GALNT10: variants seen among roughly 807,000 people sequenced by gnomAD.
GALNT10 encodes the protein polypeptide N-acetylgalactosaminyltransferase 10.
Under a neutral mutation model 75.0 loss-of-function variants are expected in GALNT10, and 41 were observed. The observed-to-expected ratio is 0.55, with a 90% CI of 0.43 to 0.71. The LOEUF (loss-of-function observed/expected upper bound fraction) is 0.71. GALNT10 is among the 30% of genes least tolerant of loss of function. The pLI is 0.00. For synonymous variants in GALNT10, 302 were observed against 313.0 expected (o/e 0.96, Z 0.37); for missense variants, 727 against 818.5 (o/e 0.89, Z 1.36).
At chr5:154,295,726 C>T (rs1754262964) in intron 2 of GALNT10, among the ~76,000 whole-genome samples, 2 of 152,128 alleles carry the variant, frequency 1.3e-5, no homozygotes, top group Admixed American at 1.3e-4. Context: ...AGATAAAGTC[C>T]ATACTCCCAG....
At chr5:154,330,775 G>A (rs1297416236) in intron 4 of GALNT10, among the ~76,000 whole-genome samples, 1 of 152,184 alleles carries the variant, frequency 6.6e-6, no homozygotes, top group Non-Finnish European at 1.5e-5. Context: ...GCAGTGAAGA[G>A]AGGGAGTATG....
intron 1 of GALNT10, among the ~76,000 whole-genome samples, chr5:154,196,188 G>T (rs1300698343): frequency 1.3e-5 from 2 of 152,282 alleles, no homozygotes; most frequent in Non-Finnish European, 1.5e-5. Flanking sequence ...CTCCCAAAGT[G>T]CTGGGATTAC....
intron 1 of GALNT10, among the ~76,000 whole-genome samples, chr5:154,275,952 G>C (rs889053369): frequency 6.6e-5 from 10 of 152,208 alleles, no homozygotes; most frequent in African/African-American, 2.4e-4. Flanking sequence ...TTGTAGAAGA[G>C]CACAAGGGAC....
At chr5:154,200,572 A>G (rs1311436007) in intron 1 of GALNT10, among the ~76,000 whole-genome samples, 3 of 151,670 alleles carry the variant, frequency 2.0e-5, no homozygotes, top group African/African-American at 7.3e-5. Flanking sequence ...TAAAATGTGT[A>G]TGTGTGTGTG....
At chr5:154,310,321 T>C (rs1450417911) in intron 3 of GALNT10, among the ~76,000 whole-genome samples, 1 of 152,096 alleles carries the variant, frequency 6.6e-6, no homozygotes, top group African/African-American at 2.4e-5. Context: ...CCTCCCTGTT[T>C]TGGTAGGTTG....
chr5:154,327,785 G>A (rs1045454885), intron 3 of GALNT10, among the ~76,000 whole-genome samples: 2 of 152,170 alleles, frequency 1.3e-5, no homozygotes, highest in East Asian at 1.9e-4. Flanking sequence ...GAATGTAATC[G>A]TTTTTCAAAC....
intron 1 of GALNT10, among the ~76,000 whole-genome samples, chr5:154,253,409 G>T (rs1753558677): frequency 8.1e-6 from 1 of 123,428 alleles, no homozygotes; most frequent in African/African-American, 2.9e-5. Flanking sequence ...GGGGGAGGGG[G>T]AAGGGATAGC....
chr5:154,400,846 C>T (rs572375329), intron 7 of GALNT10, among the ~76,000 whole-genome samples: 31 of 152,162 alleles, frequency 2.0e-4, no homozygotes, highest in African/African-American at 5.1e-4. Flanking sequence ...GAGGGCTGCA[C>T]GGGGCTCTTG....
Position 154,221,401 on chromosome 5 carries a change from C to T in GALNT10, c.159+30376C>T, listed in dbSNP as rs568290218. On this transcript the variant is annotated intron_variant, in intron 1 of 11. Transcript: ENST00000297107. ...TGGGGTGAGGGGTATCCTCCCTGCA[C>T]CGCTCCGGGGGTTAGGGTGCCCCTG... Among the ~76,000 whole-genome samples the T allele has an allele frequency of 2.6e-5, 4 of 152,304 alleles. No individual in the cohort carries two copies. The South Asian group carries it at 6.2e-4, about 24-fold the overall frequency.
At chr5:154,395,781 C>CA (rs1267594466) in intron 7 of GALNT10, among the ~76,000 whole-genome samples, 2 of 152,236 alleles carry the variant, frequency 1.3e-5, no homozygotes, top group African/African-American at 4.8e-5. Context: ...GAGACGCTGT[C>CA]ACCATTCCAG....
At position 154,225,907 on chromosome 5, in the gene GALNT10, T is replaced by C. The variant is rs1294280087; in HGVS notation, c.159+34882T>C. Among the ~76,000 whole-genome samples the C allele has an allele frequency of 3.9e-5, 6 of 152,306 alleles. No individual in the cohort carries two copies. The South Asian group carries it at 8.3e-4, about 21-fold the overall frequency. On this transcript the variant is annotated intron_variant, in intron 1 of 11. Transcript: ENST00000297107. The stretch of plus-strand genomic sequence containing the variant: ...CCAAGAAATTTAACATGCCATTGTT[T>C]TCACTCATAGGTGGGAATTGAACAA...
intron 3 of GALNT10, among the ~76,000 whole-genome samples, chr5:154,301,538 G>C (rs115952632): frequency 7.0e-4 from 106 of 150,488 alleles, no homozygotes; most frequent in African/African-American, 2.5e-3. Context: ...TTTACCACTA[G>C]ATCTTGTTGC....
intron 4 of GALNT10, among the ~76,000 whole-genome samples, chr5:154,373,690 T>C (rs537591858): frequency 3.9e-5 from 6 of 152,310 alleles, no homozygotes; most frequent in Non-Finnish European, 8.8e-5. Flanking sequence ...CTTTATGAAA[T>C]GTCCTCATCT....
chr5:154,407,057 A>C (rs1005387711), intron 8 of GALNT10, among the ~76,000 whole-genome samples: 1 of 152,204 alleles, frequency 6.6e-6, no homozygotes, highest in African/African-American at 2.4e-5. Flanking sequence ...ATTGTTTACT[A>C]AACTTGCTGA....
At chr5:154,398,265 T>C (rs1196132891) in intron 7 of GALNT10, among the ~76,000 whole-genome samples, 1 of 151,790 alleles carries the variant, frequency 6.6e-6, no homozygotes, top group Non-Finnish European at 1.5e-5. Flanking sequence ...GGGGTGGGAG[T>C]TGAAGGGACA....
intron 4 of GALNT10, among the ~76,000 whole-genome samples, chr5:154,353,260 A>G (rs187925641): frequency 9.2e-5 from 14 of 152,224 alleles, no homozygotes; most frequent in Non-Finnish European, 1.8e-4. Flanking sequence ...TGAAGCCGCA[A>G]TTATGAGCGA....
At chr5:154,221,569 T>G (rs1177623848) in intron 1 of GALNT10, among the ~76,000 whole-genome samples, 1 of 152,214 alleles carries the variant, frequency 6.6e-6, no homozygotes, top group Non-Finnish European at 1.5e-5. Context: ...AGCCTGCTTT[T>G]GGGTGAAGGC....
chr5:154,297,811 C>A, intron 2 of GALNT10, 130 bp from the exon 3 acceptor site: 1 of 524,338 alleles, frequency 1.9e-6, no homozygotes, highest in Non-Finnish European at 3.2e-6. Context: ...TGAGCAAAAA[C>A]TGAGCTATGC....
chr5:154,378,696 G>A (rs1320262387), intron 5 of GALNT10, among the ~76,000 whole-genome samples: 1 of 152,172 alleles, frequency 6.6e-6, no homozygotes, highest in Non-Finnish European at 1.5e-5. Flanking sequence ...TAGTCTTATC[G>A]AAGATTATAC....
Sources: allele counts gnomAD v4.1 joint callset (sites outside exome capture counted in the v4.1 genomes callset), GRCh38; gene constraint gnomAD v4.1.1; transcripts MANE v1.5; gene names NCBI Gene and HGNC (gene_info 2026-07-23, HGNC 2026-07-21).